Variants in MAP9 observed in about 807,000 individuals in gnomAD.
The protein encoded by MAP9 is microtubule associated protein 9.
In MAP9, 80 loss-of-function variants were observed where a neutral mutation model predicts 75.2. That is an observed-to-expected ratio of 1.06 (90% CI 0.89 to 1.28). The LOEUF (loss-of-function observed/expected upper bound fraction) is 1.28. MAP9 is among the 50% of genes most tolerant of loss of function. The probability of loss-of-function intolerance (pLI) is 0.00; values close to 1 mark genes in which losing one functional copy is unlikely to be tolerated. For missense variants in MAP9, 753 were observed against 719.9 expected (o/e 1.05, Z -0.53); for synonymous variants, 235 against 237.3 (o/e 0.99, Z 0.09).
rs1732816250 is a variant in MAP9 at position 155,375,843 on chromosome 4, TCAGA to T, written c.4_7del (p.Ser2MetfsTer26). On this transcript the variant is annotated frameshift_variant, in exon 2 of 14. Coordinates refer to ENST00000311277, the MANE Select transcript of MAP9 (RefSeq NM_001039580.2). LOFTEE classifies it high-confidence loss of function. ...TGCCAAAGTGGTGCTAAAAACTTCATCAGACATAGTGTATTTTTTCTCGTTACCT... is the reference window on the plus strand; with the variant it reads ...TGCCAAAGTGGTGCTAAAAACTTCATCATAGTGTATTTTTTCTCGTTACCT... 2 of 1,607,102 alleles carry T rather than the reference TCAGA, an allele frequency of 1.2e-6. No homozygotes were observed. The highest frequency in any genetic ancestry group is 1.7e-6 in the Non-Finnish European group (2 of 1,175,370).
At chr4:155,372,841 C>G (rs1732661516) in intron 4 of MAP9, among the ~76,000 whole-genome samples, 1 of 152,144 alleles carries the variant, frequency 6.6e-6, no homozygotes, top group Non-Finnish European at 1.5e-5. Context: ...GTCTGGAGAT[C>G]CACAGCTATG....
At position 155,373,244 on chromosome 4, in the gene MAP9, CAAT is replaced by C. The variant is rs758403581; in HGVS notation, c.370_372del (p.Ile124del). On this transcript the variant is annotated inframe_deletion, in exon 4 of 14. Transcript: ENST00000311277. ...TGAGATTCAGAGAAAGATTTTACAACAATGTCTTCACACCCATCAGGTGCCATT... is the reference window on the plus strand; with the variant it reads ...TGAGATTCAGAGAAAGATTTTACAACGTCTTCACACCCATCAGGTGCCATT... 17 of 1,612,232 alleles carry C rather than the reference CAAT, an allele frequency of 1.1e-5. No homozygotes were observed. Among genetic ancestry groups the C allele is most frequent in the Non-Finnish European group, 1.1e-5 (13 of 1,179,208 alleles).
In MAP9 at chr4:155,347,611, C is replaced by CA; in HGVS notation, c.*171dup. ...TGTTTGAGGCAGTTTATCTACAGTT[C>CA]AAAAAAATGCTTTCACTGATTACAT... On this transcript the variant is annotated 3_prime_UTR_variant, in exon 14 of 14. Coordinates refer to ENST00000311277, the MANE Select transcript of MAP9 (RefSeq NM_001039580.2). 1.7e-6 allele frequency: 1 copy of CA among 596,472 alleles called. No homozygotes were observed. 36.9% of individuals were successfully genotyped at this position (596,472 alleles called of 1,614,324 possible).
chr4:155,361,860 T>C (rs1170994857), intron 6 of MAP9, among the ~76,000 whole-genome samples, 188 bp downstream of exon 6: 3 of 152,050 alleles, frequency 2.0e-5, no homozygotes, highest in Admixed American at 6.6e-5. Context: ...CTTAGGGAAA[T>C]TGAGGCACTG....
Position 155,373,248 on chromosome 4 carries a change from G to A in MAP9, c.369C>T (p.Asp123=). Residue 123 remains aspartate, a synonymous_variant, in exon 4 of 14, where the codon GAC becomes GAT. Coordinates refer to ENST00000311277, the MANE Select transcript of MAP9 (RefSeq NM_001039580.2). ...ATTCAGAGAAAGATTTTACAACAATGTCTTCACACCCATCAGGTGCCATTT... is the reference window on the plus strand; with the variant it reads ...ATTCAGAGAAAGATTTTACAACAATATCTTCACACCCATCAGGTGCCATTT... ...EEEMAPDGCE[D]IVVKSFSESQ... 7 of 1,612,462 alleles carry A rather than the reference G, an allele frequency of 4.3e-6. No individual in the cohort carries two copies. Among genetic ancestry groups the A allele is most frequent in the Non-Finnish European group, 5.9e-6 (7 of 1,179,138 alleles).
Position 155,344,146 on chromosome 4 carries a change from G to A in MAP9, c.*3637C>T, listed in dbSNP as rs1246154496. On this transcript the variant is annotated 3_prime_UTR_variant, in exon 14 of 14. Coordinates refer to ENST00000311277, the MANE Select transcript of MAP9 (RefSeq NM_001039580.2). ...TTATTGTATCTTAGTCCATGACACA[G>A]GATTTAAGAAACTTCATTATTTCCC... The A allele has an allele frequency of 6.6e-6, 1 of 151,862 alleles. No homozygotes were observed. Among genetic ancestry groups the A allele is most frequent in the Non-Finnish European group, 1.5e-5 (1 of 67,838 alleles). The allele number at this position is 151,862 out of a possible 1,614,324, so 9.4% of individuals were successfully genotyped here.
intron 13 of MAP9, among the ~76,000 whole-genome samples, chr4:155,351,694 T>C (rs923550438): frequency 2.6e-5 from 4 of 151,784 alleles, no homozygotes; most frequent in Non-Finnish European, 5.9e-5. Flanking sequence ...GAGAAAATAA[T>C]AGATAAATGG....
At chr4:155,355,941 A>T in intron 8 of MAP9, 57 bp from the exon 9 acceptor site, 1 of 1,440,818 alleles carries the variant, frequency 6.9e-7, no homozygotes, top group Non-Finnish European at 9.6e-7. Flanking sequence ...GGTAGAAGAG[A>T]GATCTGTTAG....
rs1179169811 is a variant in MAP9, at chr4:155,359,661, A to G, written c.1050+507T>C. ...TTCATTATTTTGAAAATTAGGAAAT[A>G]AAGGCAAAGGATCAAATACGAATAA... On this transcript the variant is annotated intron_variant, in intron 7 of 13. Transcript: ENST00000311277. 2.0e-5 allele frequency among the ~76,000 whole-genome samples: 3 copies of G among 152,112 alleles called. No homozygotes were observed. The East Asian group carries it at 5.8e-4, about 29-fold the overall frequency.
chr4:155,358,746 A>T (rs1731921101), intron 7 of MAP9, among the ~76,000 whole-genome samples: 2 of 152,164 alleles, frequency 1.3e-5, no homozygotes, highest in African/African-American at 4.8e-5. Flanking sequence ...TAACCCCACT[A>T]AAAAGAGGGC....
chr4:155,368,624 C>G lies in MAP9; in HGVS notation c.670G>C (p.Ala224Pro). The change falls in exon 5 of 14, where the codon GCT (alanine) becomes CCT (proline). Residue 224 changes from alanine to proline, a missense_variant. Ala to Pro is a conservative substitution (Grantham distance 27, BLOSUM62 -1). Coordinates refer to ENST00000311277, the MANE Select transcript of MAP9 (RefSeq NM_001039580.2). ...TTTTCAGAGAATGCTTTTTTCTCAG[C>G]TTCTAATTGTATGCCATTCGGCGTT... The part of the protein sequence containing the change: ...LPTPNGIQLE[A>P]EKKAFSENLD... The G allele has an allele frequency of 6.2e-7, 1 of 1,614,138 alleles. No individual in the cohort carries two copies. The highest frequency in any genetic ancestry group is 8.5e-7 in the Non-Finnish European group (1 of 1,180,010).
chr4:155,374,172 C>T (rs1274456085), intron 3 of MAP9, among the ~76,000 whole-genome samples: 1 of 152,032 alleles, frequency 6.6e-6, no homozygotes, highest in Middle Eastern at 3.2e-3. Flanking sequence ...AACCCCATCT[C>T]TACTAAAAAT....
chr4:155,367,919 A>G (rs1037316347), intron 5 of MAP9, among the ~76,000 whole-genome samples: 1 of 152,276 alleles, frequency 6.6e-6, no homozygotes, highest in African/African-American at 2.4e-5. Flanking sequence ...CTGCCCAAGC[A>G]GATTATGGGG....
intron 2 of MAP9, 141 bp downstream of exon 2, chr4:155,375,635 C>A (rs1178893478): frequency 1.0e-5 from 5 of 476,634 alleles, no homozygotes; most frequent in African/African-American, 8.0e-5. Context: ...TGGATGGAGC[C>A]CAAACATGAT....
Position 155,362,151 on chromosome 4 carries a change from C to T in MAP9, c.709-10G>A. The T allele has an allele frequency of 1.4e-6, 2 of 1,386,490 alleles. No homozygotes were observed. Among genetic ancestry groups the T allele is most frequent in the Non-Finnish European group, 2.0e-6 (2 of 1,022,816 alleles). The allele number at this position is 1,386,490 out of a possible 1,614,324, so 85.9% of individuals were successfully genotyped here. Reference sequence around the variant, plus strand: ...TTGTTAAGCATGAATCCTGTTTTCGCAAAAAAAAATACATTTGCCACATAA... The same window carrying T: ...TTGTTAAGCATGAATCCTGTTTTCGTAAAAAAAAATACATTTGCCACATAA... On this transcript the variant is annotated splice_polypyrimidine_tract_variant and intron_variant, in intron 5 of 13. Transcript: ENST00000311277.
intron 9 of MAP9, 84 bp downstream of exon 9, chr4:155,355,632 T>A (rs1731743521): frequency 2.0e-6 from 2 of 984,256 alleles, no homozygotes; most frequent in Non-Finnish European, 2.9e-6. Flanking sequence ...TCATTTTCTA[T>A]CAGGATTACT....
chr4:155,365,778 C>G (rs1732294492), intron 5 of MAP9, among the ~76,000 whole-genome samples: 1 of 151,764 alleles, frequency 6.6e-6, no homozygotes, highest in African/African-American at 2.4e-5. Flanking sequence ...AAAAAGAGAT[C>G]ACAATGATCA....
At chr4:155,367,569 A>C (rs945637166) in intron 5 of MAP9, 1 of 152,276 alleles carries the variant, frequency 6.6e-6, no homozygotes, top group African/African-American at 2.4e-5. Context: ...TCAATGGATC[A>C]GATAATTTTC....
At chr4:155,352,306 G>T in intron 13 of MAP9, 1 of 269,394 alleles carries the variant, frequency 3.7e-6, no homozygotes, top group African/African-American at 2.3e-5. Context: ...GAGAATCACA[G>T]CAAAGGAAGA....
Sources: gnomAD v4.1 joint callset for allele counts (sites outside exome capture counted in the v4.1 genomes callset) on GRCh38, gnomAD v4.1.1 for gene constraint, MANE v1.5 for transcripts, NCBI Gene and HGNC (gene_info 2026-07-23, HGNC 2026-07-21) for gene names.